Variants in CSTPP1 observed in about 807,000 individuals in gnomAD.
CSTPP1 encodes the protein UPF0705 protein C11orf49.
the CSTPP1 span, chr11:47,156,990 T>TCCACAC: frequency 5.0e-6 from 8 of 1,611,490 alleles, no homozygotes; most frequent in African/African-American, 2.7e-5. Flanking sequence ...GCCTGAGCCG[T>TCCACAC]CCACACCCAC....
At chr11:47,089,449 G>T in the CSTPP1 span, among the ~76,000 whole-genome samples, 1 of 152,090 alleles carries the variant, frequency 6.6e-6, no homozygotes, top group Non-Finnish European at 1.5e-5. Context: ...AGCCACTTTG[G>T]TAAGATAAGA....
the CSTPP1 span, among the ~76,000 whole-genome samples, chr11:47,080,420 A>C: frequency 6.6e-6 from 1 of 152,170 alleles, no homozygotes. Context: ...GTGCCACTGC[A>C]CTCCAGCCTG....
the CSTPP1 span, among the ~76,000 whole-genome samples, chr11:47,057,983 T>G: frequency 6.6e-6 from 1 of 152,166 alleles, no homozygotes; most frequent in Non-Finnish European, 1.5e-5. Flanking sequence ...TTAAAGGAAT[T>G]TAACAAAATC....
At chr11:46,992,160 A>G in the CSTPP1 span, among the ~76,000 whole-genome samples, 1 of 152,150 alleles carries the variant, frequency 6.6e-6, no homozygotes, top group Non-Finnish European at 1.5e-5. Context: ...ATTGAATACT[A>G]TCTACTCTTC....
the CSTPP1 span, among the ~76,000 whole-genome samples, chr11:46,981,639 G>GAGAGGTAGT: frequency 1.1e-4 from 16 of 152,044 alleles, no homozygotes; most frequent in East Asian, 2.9e-3. Context: ...TTTCATTTTT[G>GAGAGGTAGT]GTTTTGAGAG....
chr11:46,998,799 G>C, the CSTPP1 span, among the ~76,000 whole-genome samples: 1 of 151,940 alleles, frequency 6.6e-6, no homozygotes, highest in Non-Finnish European at 1.5e-5. Context: ...GCAGTGGCGC[G>C]ATCTCGGCTC....
the CSTPP1 span, among the ~76,000 whole-genome samples, chr11:47,108,674 C>T: frequency 6.7e-6 from 1 of 149,472 alleles, no homozygotes; most frequent in Non-Finnish European, 1.5e-5. Context: ...TTCAGAAACC[C>T]ACAAGGGTGG....
At chr11:47,106,377 T>C in the CSTPP1 span, among the ~76,000 whole-genome samples, 4 of 152,210 alleles carry the variant, frequency 2.6e-5, no homozygotes, top group South Asian at 6.2e-4. Flanking sequence ...CTTTCTTCTA[T>C]TTTTCTCCTT....
At chr11:47,020,192 A>G in the CSTPP1 span, among the ~76,000 whole-genome samples, 1 of 152,210 alleles carries the variant, frequency 6.6e-6, no homozygotes, top group African/African-American at 2.4e-5. Flanking sequence ...GATGCCTTTC[A>G]TCTCCTTTGC....
chr11:47,156,599 A>T, the CSTPP1 span, among the ~76,000 whole-genome samples: 1 of 152,214 alleles, frequency 6.6e-6, no homozygotes, highest in Non-Finnish European at 1.5e-5. Context: ...AAAAATATTT[A>T]TGGCCTTAAT....
chr11:47,149,014 C>T, the CSTPP1 span, among the ~76,000 whole-genome samples: 2 of 152,180 alleles, frequency 1.3e-5, no homozygotes, highest in African/African-American at 2.4e-5. Flanking sequence ...TTCCTTGGCA[C>T]CCTTAGAACT....
chr11:47,134,649 G>C, the CSTPP1 span, among the ~76,000 whole-genome samples: 1 of 152,140 alleles, frequency 6.6e-6, no homozygotes, highest in African/African-American at 2.4e-5. Flanking sequence ...AGGGTGAACT[G>C]GTGCCCAAAT....
chr11:47,026,884 AC>A, the CSTPP1 span, among the ~76,000 whole-genome samples: 1 of 152,228 alleles, frequency 6.6e-6, no homozygotes, highest in Admixed American at 6.5e-5. Flanking sequence ...TCTCAAAAAA[AC>A]AAAACATAAA....
chr11:47,023,640 AC>A, the CSTPP1 span, among the ~76,000 whole-genome samples: 1 of 152,164 alleles, frequency 6.6e-6, no homozygotes, highest in Non-Finnish European at 1.5e-5. Context: ...CCTGGCAATC[AC>A]CATGCTACTT....
the CSTPP1 span, among the ~76,000 whole-genome samples, chr11:47,122,747 T>G: frequency 1.3e-5 from 2 of 152,088 alleles, no homozygotes; most frequent in African/African-American, 4.8e-5. Flanking sequence ...GCCTGGCTAA[T>G]TTTTGTATTT....
the CSTPP1 span, chr11:46,987,257 A>G: frequency 6.2e-7 from 1 of 1,614,208 alleles, no homozygotes; most frequent in East Asian, 2.2e-5. Context: ...GCCAGCTGCT[A>G]GAAAACAGGG....
At chr11:46,974,067 A>G in the CSTPP1 span, among the ~76,000 whole-genome samples, 1 of 152,054 alleles carries the variant, frequency 6.6e-6, no homozygotes, top group Non-Finnish European at 1.5e-5. Context: ...TCTACCAAAA[A>G]ACAAAAACAA....
the CSTPP1 span, among the ~76,000 whole-genome samples, chr11:47,063,172 T>C: frequency 6.6e-6 from 1 of 152,178 alleles, no homozygotes; most frequent in Non-Finnish European, 1.5e-5. Flanking sequence ...TCACATAAAA[T>C]TTTAGAATTA....
the CSTPP1 span, among the ~76,000 whole-genome samples, chr11:47,159,230 C>G: frequency 6.6e-6 from 1 of 152,190 alleles, no homozygotes; most frequent in Non-Finnish European, 1.5e-5. Context: ...AATTGACAGG[C>G]CAGGCGTGGT....
Sources: gnomAD v4.1 joint callset for allele counts (sites outside exome capture counted in the v4.1 genomes callset) on GRCh38, gnomAD v4.1.1 for gene constraint, MANE v1.5 for transcripts, NCBI Gene and HGNC (gene_info 2026-07-23, HGNC 2026-07-21) for gene names.